The following MESD variants were observed in gnomAD, a reference collection of about 807,000 sequenced individuals.
The protein encoded by MESD is LRP chaperone MESD.
Under a neutral mutation model 12.9 loss-of-function variants are expected in MESD, and 7 were observed. The ratio of observed to expected loss-of-function variants is 0.54; its 90% CI spans 0.31 to 1.02. MESD has a LOEUF of 1.02. Among genes scored for constraint, MESD ranks in the 50% least tolerant of loss-of-function variants. MESD has a pLI of 0.05. For missense variants in MESD, 342 were observed against 296.7 expected (o/e 1.15, Z -1.12); for synonymous variants, 126 against 115.6 (o/e 1.09, Z -0.58).
Position 80,978,911 on chromosome 15 carries a change from C to G in MESD, c.*308G>C, listed in dbSNP as rs538593118. On this transcript the variant is annotated 3_prime_UTR_variant, in exon 3 of 3. Transcript: ENST00000261758. ...AGGTGCTTGGAGGGGAGTGGAATCT[C>G]AGTAGAGTTGATGACTCACCAAGTG... 7.1e-4 allele frequency: 284 copies of G among 398,622 alleles called. 1 individual carries two copies. In the East Asian group the frequency reaches 0.012, roughly 17 times the overall value. 24.7% of individuals were successfully genotyped at this position (398,622 alleles called of 1,614,324 possible). A position where few individuals can be genotyped will look rare whatever the true frequency, so the allele number is the denominator to read the frequency against.
In MESD at chr15:80,979,399, G is replaced by A. The variant is rs567709423; in HGVS notation, c.525C>T (p.Val175=). 2.0e-5 allele frequency: 32 copies of A among 1,614,112 alleles called. No homozygotes were observed. The highest frequency in any genetic ancestry group is 6.7e-5 in the East Asian group (3 of 44,876). ...SYAWEIKDFL[V]GQDRCADVTL... The stretch of plus-strand genomic sequence containing the variant: ...TTACATCAGCACACCTGTCTTGACC[G>A]ACCAAAAAGTCCTTGATCTCCCAGG... Residue 175 remains valine (V), a synonymous_variant, in exon 3 of 3, where the codon GTC becomes GTT. Coordinates refer to ENST00000261758, the MANE Select transcript of MESD (RefSeq NM_015154.3).
At chr15:80,987,333 G>A (rs1371209516) in intron 1 of MESD, among the ~76,000 whole-genome samples, 1 of 152,132 alleles carries the variant, frequency 6.6e-6, no homozygotes, top group African/African-American at 2.4e-5. Context: ...AAAAAACACT[G>A]CTACTGGGGA....
chr15:80,959,537 T>C (rs1168617096), intron 3 of MESD, among the ~76,000 whole-genome samples: 1 of 152,186 alleles, frequency 6.6e-6, no homozygotes, highest in Non-Finnish European at 1.5e-5. Flanking sequence ...AATGTCTTGC[T>C]CAGATCAAAG....
At chr15:80,963,375 T>C (rs1056349855) in intron 3 of MESD, among the ~76,000 whole-genome samples, 3 of 152,172 alleles carry the variant, frequency 2.0e-5, no homozygotes, top group Non-Finnish European at 4.4e-5. Flanking sequence ...ACCAGACAGA[T>C]TCACAGCCAA....
Position 80,981,906 on chromosome 15 carries a change from C to G in MESD, c.446+44G>C, listed in dbSNP as rs4993121. 2.3e-6 allele frequency: 3 copies of G among 1,281,814 alleles called. No individual in the cohort carries two copies. The Admixed American group carries it at 5.9e-5, about 25-fold the overall frequency. The allele number at this position is 1,281,814 out of a possible 1,614,324, so 79.4% of individuals were successfully genotyped here. ...TTAATAATAATAATAAAGAAAAGAC[C>G]GAGCACAGCCTATGAGTCTCTCAGC... is the stretch of plus-strand genomic sequence containing the variant. On this transcript the variant is annotated intron_variant, in intron 2 of 2. Transcript: ENST00000261758.
At chr15:80,956,434 G>A (rs1901986538) in intron 3 of MESD, among the ~76,000 whole-genome samples, 1 of 152,160 alleles carries the variant, frequency 6.6e-6, no homozygotes, top group African/African-American at 2.4e-5. Flanking sequence ...GGGCTTAGGT[G>A]TTATTCATGG....
intron 3 of MESD, among the ~76,000 whole-genome samples, chr15:80,968,791 A>C (rs1268881402): frequency 6.6e-6 from 1 of 152,236 alleles, no homozygotes; most frequent in Non-Finnish European, 1.5e-5. Context: ...CTTGTCCAAC[A>C]TGATACAGCT....
chr15:80,974,836 C>G (rs972212773), downstream of MESD, among the ~76,000 whole-genome samples: 1 of 148,850 alleles, frequency 6.7e-6, no homozygotes, highest in Non-Finnish European at 1.5e-5. Flanking sequence ...GAGCTGAATG[C>G]TATTTATTAA....
intron 3 of MESD, among the ~76,000 whole-genome samples, chr15:80,965,358 G>A (rs1411926742): frequency 1.3e-5 from 2 of 152,204 alleles, no homozygotes; most frequent in Non-Finnish European, 2.9e-5. Context: ...GTTGGTGGGA[G>A]TGTAAATTAG....
downstream of MESD, among the ~76,000 whole-genome samples, chr15:80,973,773 A>T (rs990446519): frequency 3.3e-5 from 5 of 151,230 alleles, no homozygotes; most frequent in African/African-American, 4.9e-5. Flanking sequence ...TTTTTTTTTT[A>T]AAGAAAACAT....
intron 1 of MESD, among the ~76,000 whole-genome samples, chr15:80,987,214 C>G (rs1463516036): frequency 2.0e-5 from 3 of 152,180 alleles, no homozygotes; most frequent in South Asian, 4.1e-4. Context: ...CACTGTTTCT[C>G]ACACTGCTGG....
exon 5 of MESD, chr15:80,948,095 A>C (rs1199203477): frequency 6.5e-6 from 1 of 153,232 alleles, no homozygotes; most frequent in Non-Finnish European, 1.5e-5. Context: ...TCTGTCTTTT[A>C]AATTAAGATC....
At chr15:80,947,681 G>C (rs1038681727) in exon 5 of MESD, 7 of 154,362 alleles carry the variant, frequency 4.5e-5, no homozygotes, top group African/African-American at 1.4e-4. Context: ...CAGAGAGGCT[G>C]TATGGGCGGC....
chr15:80,949,050 C>A (rs563797051), intron 4 of MESD: 3 of 1,279,954 alleles, frequency 2.3e-6, no homozygotes, highest in East Asian at 2.3e-5. Context: ...GTGTTTCAGC[C>A]CTGATGGGCC....
At chr15:80,947,315 T>G, downstream of MESD, 1 of 483,020 alleles carries the variant, frequency 2.1e-6, no homozygotes, top group Non-Finnish European at 3.8e-6. Context: ...ATTGCTATAT[T>G]TGTTGACTCA....
intron 1 of MESD, among the ~76,000 whole-genome samples, chr15:80,983,840 G>T (rs1902652650): frequency 6.7e-6 from 1 of 149,190 alleles, no homozygotes. Context: ...AAAATGAGAT[G>T]TTGAACCCAT....
chr15:80,967,025 G>A (rs1178124824), intron 3 of MESD, among the ~76,000 whole-genome samples: 2 of 152,174 alleles, frequency 1.3e-5, no homozygotes, highest in Admixed American at 1.3e-4. Context: ...GGGCGCAGTG[G>A]CTCACTCCTG....
intron 3 of MESD, among the ~76,000 whole-genome samples, chr15:80,953,353 A>G (rs983249540): frequency 2.6e-5 from 4 of 152,148 alleles, no homozygotes; most frequent in Non-Finnish European, 4.4e-5. Context: ...CCAACGAGGA[A>G]CCGTCGAGCA....
At chr15:80,956,146 C>T (rs931331470) in intron 3 of MESD, among the ~76,000 whole-genome samples, 3 of 151,984 alleles carry the variant, frequency 2.0e-5, no homozygotes, top group Admixed American at 6.6e-5. Flanking sequence ...GCCGAGATCG[C>T]GCCACTACAC....
Sources: allele counts gnomAD v4.1 joint callset (sites outside exome capture counted in the v4.1 genomes callset), GRCh38; gene constraint gnomAD v4.1.1; transcripts MANE v1.5; gene names NCBI Gene and HGNC (gene_info 2026-07-23, HGNC 2026-07-21).